Variants in MAN1A1 observed in about 807,000 individuals in gnomAD.
The protein encoded by MAN1A1 is mannosyl-oligosaccharide 1,2-alpha-mannosidase IA.
Under a neutral mutation model 70.8 loss-of-function variants are expected in MAN1A1, and 29 were observed. The observed-to-expected ratio is 0.41, with a 90% CI of 0.31 to 0.56. The LOEUF (loss-of-function observed/expected upper bound fraction) is 0.56. Ranked by LOEUF, MAN1A1 falls within the 20% of genes least tolerant of loss-of-function variation. MAN1A1 has a pLI of 0.29. For synonymous variants in MAN1A1, 349 were observed against 330.1 expected, an observed-to-expected ratio of 1.06 and a Z score of -0.62; for missense variants, 747 against 841.3, an observed-to-expected ratio of 0.89 and a Z score of 1.39.
chr6:119,348,487 G>C lies in MAN1A1; in HGVS notation c.579C>G (p.Arg193=), dbSNP rs1437722796. The C allele has an allele frequency of 1.2e-6, 2 of 1,606,956 alleles. No homozygotes were observed. Among genetic ancestry groups the C allele is most frequent in the Non-Finnish European group, 1.7e-6 (2 of 1,176,486 alleles). The change falls in exon 2 of 13, where the codon CGC becomes CGG. Residue 193 remains arginine (R), a synonymous_variant. Coordinates refer to ENST00000368468, the MANE Select transcript of MAN1A1 (RefSeq NM_005907.4). Reference sequence around the variant, plus strand: ...CCTCTTTGATCTTTGCCCTTTTCTCGCGGATGGCGGCGTCGGCGGGCTCCC... The same window carrying C: ...CCTCTTTGATCTTTGCCCTTTTCTCCCGGATGGCGGCGTCGGCGGGCTCCC... ...ESREPADAAI[R]EKRAKIKEMM...
At position 119,201,366 on chromosome 6, in the gene MAN1A1, T is replaced by C; in HGVS notation, c.1117-19A>G. 1 of 1,548,650 alleles carries C rather than the reference T, an allele frequency of 6.5e-7. No homozygotes were observed. The highest frequency in any genetic ancestry group is 1.1e-5 in the South Asian group (1 of 88,746). On this transcript the variant is annotated intron_variant, in intron 7 of 12. Coordinates refer to ENST00000368468, the MANE Select transcript of MAN1A1 (RefSeq NM_005907.4). ...TCATTACCTATAATAGAAAATAAAA[T>C]GTTACCGTGAAAATCTAAAAAACAA...
At chr6:119,327,931 G>T (rs1773198474) in intron 2 of MAN1A1, among the ~76,000 whole-genome samples, 1 of 152,142 alleles carries the variant, frequency 6.6e-6, no homozygotes, top group Admixed American at 6.5e-5. Context: ...GGGGACCTTA[G>T]TTCTACAGTT....
chr6:119,266,019 C>T (rs1459510439), intron 5 of MAN1A1, among the ~76,000 whole-genome samples: 2 of 152,014 alleles, frequency 1.3e-5, no homozygotes, highest in Non-Finnish European at 2.9e-5. Context: ...ATTGTGAGCA[C>T]ACACCTAAAA....
chr6:119,318,534 T>C (rs935910649), intron 2 of MAN1A1, among the ~76,000 whole-genome samples: 1 of 152,220 alleles, frequency 6.6e-6, no homozygotes, highest in Non-Finnish European at 1.5e-5. Context: ...TCTTTGTATG[T>C]TTCTGTTACT....
At chr6:119,265,847 G>C (rs957838096) in intron 5 of MAN1A1, among the ~76,000 whole-genome samples, 2 of 152,140 alleles carry the variant, frequency 1.3e-5, no homozygotes, top group African/African-American at 4.8e-5. Flanking sequence ...TTTGTCTGCA[G>C]ATGACATATT....
intron 4 of MAN1A1, among the ~76,000 whole-genome samples, chr6:119,295,592 T>C (rs1772186079): frequency 6.6e-6 from 1 of 152,168 alleles, no homozygotes; most frequent in African/African-American, 2.4e-5. Context: ...AAATATTTCT[T>C]GGAAAAGAAC....
intron 11 of MAN1A1, among the ~76,000 whole-genome samples, chr6:119,182,694 C>G (rs575546149): frequency 4.3e-4 from 66 of 152,038 alleles, no homozygotes; most frequent in Non-Finnish European, 8.1e-4. Context: ...CAATCTGGTT[C>G]TCATTTATTG....
chr6:119,239,026 GACT>G (rs1200828727), intron 6 of MAN1A1, among the ~76,000 whole-genome samples: 2 of 152,116 alleles, frequency 1.3e-5, no homozygotes, highest in Non-Finnish European at 2.9e-5. Context: ...GAGTAGCTGG[GACT>G]ACAGGTACCT....
At chr6:119,350,534 A>G, upstream of MAN1A1, 1 of 985,334 alleles carries the variant, frequency 1.0e-6, no homozygotes, top group African/African-American at 1.7e-5. Context: ...TACCTCATAG[A>G]AGTTGGTCAA....
chr6:119,263,288 T>C (rs1040433366), intron 5 of MAN1A1, among the ~76,000 whole-genome samples: 1 of 152,128 alleles, frequency 6.6e-6, no homozygotes. Flanking sequence ...AGGATATATG[T>C]AGATCTACAG....
At chr6:119,350,336 C>T (rs1773877423), upstream of MAN1A1, among the ~76,000 whole-genome samples, 1 of 152,182 alleles carries the variant, frequency 6.6e-6, no homozygotes, top group Non-Finnish European at 1.5e-5. Flanking sequence ...CCCCAAGTCC[C>T]TCGGTTAGGG....
At chr6:119,287,961 C>T (rs1469154998) in intron 5 of MAN1A1, among the ~76,000 whole-genome samples, 1 of 151,898 alleles carries the variant, frequency 6.6e-6, no homozygotes, top group Non-Finnish European at 1.5e-5. Context: ...TGATGCTTGA[C>T]TTTTTTATGG....
chr6:119,208,235 A>G, intron 6 of MAN1A1, among the ~76,000 whole-genome samples: 1 of 152,206 alleles, frequency 6.6e-6, no homozygotes, highest in Non-Finnish European at 1.5e-5. Context: ...TCCAACTTCT[A>G]CATCACTCTA....
intron 5 of MAN1A1, among the ~76,000 whole-genome samples, chr6:119,285,571 T>TA (rs1776347238): frequency 6.6e-6 from 1 of 152,060 alleles, no homozygotes; most frequent in Non-Finnish European, 1.5e-5. Flanking sequence ...TTAACATATA[T>TA]TTTTATTTTA....
intron 8 of MAN1A1, among the ~76,000 whole-genome samples, chr6:119,198,142 A>T (rs144524238): frequency 1.3e-5 from 2 of 152,374 alleles, no homozygotes; most frequent in Non-Finnish European, 1.5e-5. Context: ...TAATTCCAGC[A>T]CTTTGGGAGG....
At chr6:119,284,901 A>G (rs893026276) in intron 5 of MAN1A1, among the ~76,000 whole-genome samples, 1 of 152,162 alleles carries the variant, frequency 6.6e-6, no homozygotes, top group African/African-American at 2.4e-5. Context: ...TAATTACTAT[A>G]TTAGTCTGTT....
chr6:119,189,340 A>C (rs972396631), intron 10 of MAN1A1, among the ~76,000 whole-genome samples: 3 of 152,178 alleles, frequency 2.0e-5, no homozygotes, highest in African/African-American at 7.2e-5. Flanking sequence ...GAAGATTAAT[A>C]ATGGTTAATA....
chr6:119,225,668 G>T (rs990635167), intron 6 of MAN1A1, among the ~76,000 whole-genome samples: 48 of 152,042 alleles, frequency 3.2e-4, no homozygotes, highest in Non-Finnish European at 8.8e-5. Context: ...TACATACATG[G>T]AAACAATGAC....
intron 5 of MAN1A1, 151 bp from the exon 6 acceptor site, chr6:119,248,505 T>C: frequency 1.6e-6 from 1 of 607,068 alleles, no homozygotes; most frequent in East Asian, 2.8e-5. Context: ...TTAACAGAAT[T>C]ACCCAGTAAA....
Sources: allele counts gnomAD v4.1 joint callset (sites outside exome capture counted in the v4.1 genomes callset), GRCh38; gene constraint gnomAD v4.1.1; transcripts MANE v1.5; gene names NCBI Gene and HGNC (gene_info 2026-07-23, HGNC 2026-07-21).